Variants in TXNRD3 observed in about 807,000 individuals in gnomAD.
TXNRD3 encodes TXNRD3 neighbor gene protein.
A neutral mutation model predicts 78.2 loss-of-function variants in TXNRD3; 68 were observed. The ratio of observed to expected loss-of-function variants is 0.87; its 90% CI spans 0.72 to 1.06. The LOEUF is 1.06. Ranked by LOEUF, TXNRD3 falls within the 50% of genes least tolerant of loss-of-function variation. The pLI is 0.00. For missense variants in TXNRD3, 751 were observed against 809.5 expected, an observed-to-expected ratio of 0.93 and a Z score of 0.88; for synonymous variants, 296 against 300.1, an observed-to-expected ratio of 0.99 and a Z score of 0.14.
intron 6 of TXNRD3, among the ~76,000 whole-genome samples, chr3:126,640,606 C>A (rs1184901845): frequency 6.6e-6 from 1 of 152,144 alleles, no homozygotes; most frequent in African/African-American, 2.4e-5. Flanking sequence ...AGATCAAAAT[C>A]TCTGCACAAA....
intron 9 of TXNRD3, 149 bp downstream of exon 9, chr3:126,630,563 G>A (rs554314552): frequency 2.0e-5 from 16 of 803,872 alleles, no homozygotes; most frequent in Non-Finnish European, 2.9e-5. Flanking sequence ...GGGGACGAGG[G>A]GGAAAATGGG....
intron 12 of TXNRD3, among the ~76,000 whole-genome samples, chr3:126,617,357 T>G: frequency 6.6e-6 from 1 of 152,212 alleles, no homozygotes; most frequent in South Asian, 2.1e-4. Flanking sequence ...AAAATGTTAT[T>G]TGCAGTTGAG....
intron 10 of TXNRD3, chr3:126,626,071 C>T (rs1056720044): frequency 2.0e-5 from 3 of 152,040 alleles, no homozygotes; most frequent in Admixed American, 2.0e-4. Context: ...TCAAAAGTCT[C>T]CAAAACCAAA....
chr3:126,629,557 A>G, intron 9 of TXNRD3, 86 bp from the exon 10 acceptor site: 1 of 1,047,350 alleles, frequency 9.5e-7, no homozygotes. Context: ...ATGTTCGTGT[A>G]CATTTGTGTG....
intron 15 of TXNRD3, 107 bp from the exon 16 acceptor site, chr3:126,608,080 G>A (rs951401619): frequency 1.1e-5 from 10 of 875,828 alleles, no homozygotes; most frequent in Non-Finnish European, 1.6e-5. Flanking sequence ...TACAAATCTG[G>A]CCAGGCATGG....
At chr3:126,612,142 G>A (rs974467583) in intron 13 of TXNRD3, among the ~76,000 whole-genome samples, 3 of 152,022 alleles carry the variant, frequency 2.0e-5, no homozygotes, top group African/African-American at 4.8e-5. Flanking sequence ...AGGTTCGAGC[G>A]ATCCTCCTGC....
chr3:126,646,343 T>G (rs752761020), intron 2 of TXNRD3, 123 bp from the exon 3 acceptor site: 1 of 637,852 alleles, frequency 1.6e-6, no homozygotes, highest in East Asian at 3.2e-5. Flanking sequence ...CAGTGTGTTA[T>G]ATAACTTTAT....
intron 6 of TXNRD3, among the ~76,000 whole-genome samples, chr3:126,637,799 C>T (rs188073848): frequency 0.017 from 2,594 of 151,894 alleles, 31 homozygotes; most frequent in Non-Finnish European, 0.03. Flanking sequence ...GCTTCCCTTT[C>T]TATTTTTTCT....
At chr3:126,650,880 T>C (rs1933371733) in intron 1 of TXNRD3, among the ~76,000 whole-genome samples, 1 of 152,230 alleles carries the variant, frequency 6.6e-6, no homozygotes, top group Non-Finnish European at 1.5e-5. Flanking sequence ...CAGAAGCCAC[T>C]GTTTTATCTC....
At chr3:126,609,132 C>T (rs1042903050) in intron 14 of TXNRD3, 32 of 444,796 alleles carry the variant, frequency 7.2e-5, no homozygotes, top group African/African-American at 6.0e-4. Flanking sequence ...AGGCAATGAG[C>T]TGACCCACCA....
chr3:126,623,043 T>G (rs1396393785), intron 10 of TXNRD3, among the ~76,000 whole-genome samples: 1 of 152,184 alleles, frequency 6.6e-6, no homozygotes, highest in East Asian at 1.9e-4. Flanking sequence ...CCTCTAGAAC[T>G]GTGAGAAATA....
chr3:126,638,667 G>A (rs552314847), intron 6 of TXNRD3, among the ~76,000 whole-genome samples: 43 of 152,248 alleles, frequency 2.8e-4, no homozygotes, highest in South Asian at 1.7e-3. Flanking sequence ...ACGGGAGATG[G>A]AGGAACGCAG....
rs1576300882 is a variant in TXNRD3, at chr3:126,655,011, C to A, written c.-21G>T. 7.7e-7 allele frequency: 1 copy of A among 1,294,556 alleles called. No homozygotes were observed. The highest frequency in any genetic ancestry group is 3.2e-5 in the East Asian group (1 of 31,204). 80.2% of individuals were successfully genotyped at this position (1,294,556 alleles called of 1,614,324 possible). ...TCCAGAGTCTCGCTCTCGCTCCTGG[C>A]CCGGCCGGGCCTGCTCACAAACCGA... On this transcript the variant is annotated 5_prime_UTR_variant, in exon 1 of 16. Coordinates refer to ENST00000524230, the MANE Select transcript of TXNRD3 (RefSeq NM_052883.3).
intron 6 of TXNRD3, among the ~76,000 whole-genome samples, chr3:126,635,717 T>C (rs1460442290): frequency 1.3e-5 from 2 of 152,200 alleles, no homozygotes; most frequent in African/African-American, 4.8e-5. Flanking sequence ...GCATAGTAAA[T>C]TTTTTGTTAT....
chr3:126,633,890 C>G lies in TXNRD3; in HGVS notation c.855+19G>C. On this transcript the variant is annotated intron_variant, in intron 7 of 15. Coordinates refer to ENST00000524230, the MANE Select transcript of TXNRD3 (RefSeq NM_052883.3). The stretch of plus-strand genomic sequence containing the variant: ...TTGTAAAGAAAGGAGATGAACAAGA[C>G]AAGAAACTCAAGCACTACCTTTATT... 6.9e-7 allele frequency: 1 copy of G among 1,457,222 alleles called. No individual in the cohort carries two copies. Among genetic ancestry groups the G allele is most frequent in the African/African-American group, 1.4e-5 (1 of 70,420 alleles). 90.3% of individuals were successfully genotyped at this position (1,457,222 alleles called of 1,614,324 possible). A position where few individuals can be genotyped will look rare whatever the true frequency, so the allele number is the denominator to read the frequency against.
chr3:126,629,459 C>T lies in TXNRD3; in HGVS notation c.1210G>A (p.Glu404Lys). 2 of 1,535,158 alleles carry T rather than the reference C, an allele frequency of 1.3e-6. No homozygotes were observed. The highest frequency in any genetic ancestry group is 1.7e-6 in the Non-Finnish European group (2 of 1,146,256). ...TTCAGCTTTCCAGGTGAACCTTTCTCCAACTGTTGAACCTAGTAAGAATGA... is the reference window on the plus strand; with the variant it reads ...TTCAGCTTTCCAGGTGAACCTTTCTTCAACTGTTGAACCTAGTAAGAATGA... The change falls in exon 10 of 16, where the codon GAG (glutamate) becomes AAG (lysine). Residue 404 changes from glutamate (E) to lysine (K), a missense_variant. Glu to Lys is a moderately conservative substitution (Grantham distance 56, BLOSUM62 1). Coordinates refer to ENST00000524230, the MANE Select transcript of TXNRD3 (RefSeq NM_052883.3).
intron 11 of TXNRD3, 121 bp downstream of exon 11, chr3:126,622,343 G>T: frequency 3.1e-6 from 2 of 649,418 alleles, no homozygotes; most frequent in Non-Finnish European, 4.9e-6. Context: ...TAAAGAGCTG[G>T]CACTGAACTT....
At chr3:126,616,307 C>G (rs1160432804) in intron 12 of TXNRD3, among the ~76,000 whole-genome samples, 1 of 152,176 alleles carries the variant, frequency 6.6e-6, no homozygotes, top group East Asian at 1.9e-4. Context: ...TCAAAAGACA[C>G]CACCATCCAC....
At chr3:126,644,075 A>C (rs1458427906) in intron 4 of TXNRD3, 22 bp from the exon 5 acceptor site, 1 of 1,534,492 alleles carries the variant, frequency 6.5e-7, no homozygotes, top group Non-Finnish European at 8.7e-7. Context: ...CAACAACAAA[A>C]ATTACGTATA....
Sources: allele counts gnomAD v4.1 joint callset (sites outside exome capture counted in the v4.1 genomes callset), GRCh38; gene constraint gnomAD v4.1.1; transcripts MANE v1.5; gene names NCBI Gene and HGNC (gene_info 2026-07-23, HGNC 2026-07-21).